Variants in FMR1 observed in about 807,000 individuals in gnomAD.
The protein encoded by FMR1 is FMRP translational regulator 1.
In FMR1, 13 loss-of-function variants were observed where a neutral mutation model predicts 50.6. That is an observed-to-expected ratio of 0.26 (90% CI 0.17 to 0.41). The LOEUF is 0.41. Ranked by LOEUF, FMR1 falls within the 10% of genes least tolerant of loss-of-function variation. The pLI, the probability that FMR1 is intolerant of heterozygous loss-of-function variation, is 1.00. For missense variants in FMR1, 316 were observed against 491.3 expected (o/e 0.64, Z 3.37); for synonymous variants, 138 against 164.1 (o/e 0.84, Z 1.22).
rs29291 is a variant in FMR1 at position 147,944,519 on chromosome X, C to G, written c.1472-350C>G. 5.7e-3 allele frequency: 4,288 copies of G among 752,168 alleles called. 148 individuals carry two copies. In the African/African-American group the frequency reaches 0.091, roughly 16 times the overall value. 62.0% of individuals were successfully genotyped at this position (752,168 alleles called of 1,213,427 possible). On this transcript the variant is annotated intron_variant, in intron 14 of 16. Transcript: ENST00000370475. ...AGGTTTTGTTTATCAGGGTATCACA[C>G]TTAACTGTCGTGGATAATCTTTTCC...
At chrX:147,943,436 C>G in intron 14 of FMR1, 110 bp downstream of exon 14, 1 of 696,861 alleles carries the variant, frequency 1.4e-6, no homozygotes, top group Non-Finnish European at 2.3e-6. Flanking sequence ...TACATGGTTT[C>G]CAATTCACAG....
chrX:147,912,197 G>T lies in FMR1; in HGVS notation c.18G>T (p.Val6=), dbSNP rs111485627. The change falls in exon 1 of 17, where the codon GTG becomes GTT. Residue 6 remains valine (V), a synonymous_variant. Coordinates refer to ENST00000370475, the MANE Select transcript of FMR1 (RefSeq NM_002024.6). The part of the protein sequence containing the change: MEELV[V]EVRGSNGAFY... ...AAGAGAAGATGGAGGAGCTGGTGGTGGAAGTGCGGGGCTCCAATGGCGCTT... is the reference window on the plus strand; with the variant it reads ...AAGAGAAGATGGAGGAGCTGGTGGTTGAAGTGCGGGGCTCCAATGGCGCTT... 0.013 allele frequency: 15,256 copies of T among 1,159,237 alleles called. 82 individuals carry two copies. Among genetic ancestry groups the T allele is most frequent in the Non-Finnish European group, 0.016 (13,872 of 869,388 alleles).
intron 2 of FMR1, among the ~76,000 whole-genome samples, chrX:147,922,509 AAC>A (rs2043214932): frequency 9.0e-6 from 1 of 111,669 alleles, no homozygotes; most frequent in African/African-American, 3.2e-5. Flanking sequence ...AAGAAATAAA[AAC>A]AGTCATAGGC....
chrX:147,949,005 T>C lies in FMR1; in HGVS notation c.*161T>C. On this transcript the variant is annotated 3_prime_UTR_variant, in exon 17 of 17. Coordinates refer to ENST00000370475, the MANE Select transcript of FMR1 (RefSeq NM_002024.6). ...ATTTTTTATTTTTTGGTATTGGCCATAAGCAACAATTTTCAGATTTGCACA... is the reference window on the plus strand; with the variant it reads ...ATTTTTTATTTTTTGGTATTGGCCACAAGCAACAATTTTCAGATTTGCACA... The C allele has an allele frequency of 1.8e-6, 1 of 556,772 alleles. No individual in the cohort carries two copies. Among genetic ancestry groups the C allele is most frequent in the South Asian group, 2.5e-5 (1 of 40,376 alleles). 45.9% of individuals were successfully genotyped at this position (556,772 alleles called of 1,213,427 possible). A position where few individuals can be genotyped will look rare whatever the true frequency, so the allele number is the denominator to read the frequency against.
intron 16 of FMR1, chrX:147,947,474 G>T (rs1184406094): frequency 1.9e-5 from 2 of 107,097 alleles, no homozygotes; most frequent in Non-Finnish European, 3.8e-5. Flanking sequence ...ACTTTGGGAG[G>T]CCAAGGCGGG....
At chrX:147,923,898 A>G (rs1222629434) in intron 2 of FMR1, among the ~76,000 whole-genome samples, 2 of 112,092 alleles carry the variant, frequency 1.8e-5, no homozygotes, top group African/African-American at 6.5e-5. Context: ...AAACGAAAAC[A>G]GTGTTTTGTA....
Position 147,928,355 on chromosome X carries a change from T to C in FMR1, c.232T>C (p.Cys78Arg). Residue 78 changes from cysteine to arginine, a missense_variant, in exon 4 of 17, where the codon TGT (cysteine) becomes CGT (arginine). Cys to Arg is a radical substitution (Grantham distance 180). Transcript: ENST00000370475. ...CAGAGCAAATGAAAAAGAGCCTTGC[T>C]GTTGGTGGTTAGCTAAAGTGAGGAT... ...YSRANEKEPCCWWLAKVRMIK... is the reference protein window; with the variant it reads ...YSRANEKEPCRWWLAKVRMIK... 8.3e-7 allele frequency: 1 copy of C among 1,208,715 alleles called. No homozygotes were observed.
intron 7 of FMR1, among the ~76,000 whole-genome samples, chrX:147,931,998 G>A (rs1293837095): frequency 8.1e-5 from 9 of 111,550 alleles, no homozygotes; most frequent in Non-Finnish European, 1.7e-4. Context: ...TAAAAATGAA[G>A]CGAATAAAAT....
intron 13 of FMR1, among the ~76,000 whole-genome samples, chrX:147,941,528 T>C (rs1450341292): frequency 8.9e-6 from 1 of 112,480 alleles, no homozygotes; most frequent in Non-Finnish European, 1.9e-5. Flanking sequence ...AAATAAAAAG[T>C]ACATGATTTC....
chrX:147,939,914 A>G (rs1378056383), intron 12 of FMR1, among the ~76,000 whole-genome samples: 1 of 106,254 alleles, frequency 9.4e-6, no homozygotes, highest in African/African-American at 3.4e-5. Context: ...AAAAAAAAAA[A>G]AAAAAAAGAG....
At chrX:147,925,440 AAG>A (rs1232677419) in intron 2 of FMR1, 98 bp from the exon 3 acceptor site, 2 of 633,046 alleles carry the variant, frequency 3.2e-6, no homozygotes, top group Non-Finnish European at 5.4e-6. Flanking sequence ...AAACTAGAAA[AAG>A]AGGGGTCAGC....
At position 147,930,147 on chromosome X, in the gene FMR1, C is replaced by T. The variant is rs2043542314; in HGVS notation, c.533C>T (p.Ser178Leu). ...ATTTAGTCCATCAATGAAGTCACCT[C>T]AAAGCGAGCACATATGCTGATTGAC... ...LVILSINEVTSKRAHMLIDMH... is the reference protein window; with the variant it reads ...LVILSINEVTLKRAHMLIDMH... Residue 178 changes from serine to leucine, a missense_variant, in exon 7 of 17, where the codon TCA becomes TTA. By Grantham distance (145) the Ser-to-Leu change is moderately radical (BLOSUM62 -2). Transcript: ENST00000370475. The T allele has an allele frequency of 8.3e-7, 1 of 1,206,103 alleles. No homozygotes were observed. Among genetic ancestry groups the T allele is most frequent in the East Asian group, 3.0e-5 (1 of 33,808 alleles).
intron 16 of FMR1, 140 bp from the exon 17 acceptor site, chrX:147,948,543 T>C: frequency 8.9e-7 from 1 of 1,126,391 alleles, no homozygotes; most frequent in Non-Finnish European, 1.2e-6. Context: ...TACATTAATT[T>C]CTTGCACTTC....
At chrX:147,938,619 G>A (rs782334963) in intron 12 of FMR1, among the ~76,000 whole-genome samples, 95 of 111,631 alleles carry the variant, frequency 8.5e-4, no homozygotes, top group African/African-American at 3.0e-3. Flanking sequence ...TTTGCAATGT[G>A]CTCACCCCTA....
chrX:147,948,871 C>G lies in FMR1; in HGVS notation c.*27C>G. 3 of 1,192,050 alleles carry G rather than the reference C, an allele frequency of 2.5e-6. No homozygotes were observed. The Admixed American group carries it at 6.5e-5, about 26-fold the overall frequency. On this transcript the variant is annotated 3_prime_UTR_variant, in exon 17 of 17. Transcript: ENST00000370475. ...CTGCATAATTCTGAAGTTATATTTCCTATACCATTTCCGTAATTCTTATTC... is the reference window on the plus strand; with the variant it reads ...CTGCATAATTCTGAAGTTATATTTCGTATACCATTTCCGTAATTCTTATTC...
intron 14 of FMR1, 110 bp downstream of exon 14, chrX:147,943,436 C>T: frequency 1.4e-6 from 1 of 696,861 alleles, no homozygotes; most frequent in Non-Finnish European, 2.3e-6. Flanking sequence ...TACATGGTTT[C>T]CAATTCACAG....
In FMR1 at chrX:147,928,819, C is replaced by T. The variant is rs1299918282; in HGVS notation, c.419+12C>T. On this transcript the variant is annotated intron_variant, in intron 5 of 16. Transcript: ENST00000370475. ...GACTTACGGCAAATGTAAGTTGATA[C>T]ACAAGAAATGCTGAGAACTTGGAAG... 1.1e-5 allele frequency: 13 copies of T among 1,201,206 alleles called. No homozygotes were observed. The highest frequency in any genetic ancestry group is 8.9e-5 in the East Asian group (3 of 33,694).
At chrX:147,928,112 G>C (rs1209320843) in intron 3 of FMR1, 4 of 369,795 alleles carry the variant, frequency 1.1e-5, no homozygotes, top group African/African-American at 1.0e-4. Context: ...TTTACAAGGA[G>C]CTTCAAAGCA....
chrX:147,924,840 T>C (rs1324045933), intron 2 of FMR1: 1 of 110,289 alleles, frequency 9.1e-6, no homozygotes, highest in Non-Finnish European at 1.9e-5. Context: ...TTTATGGATA[T>C]AAAAAATAAT....
Sources: allele counts gnomAD v4.1 joint callset (sites outside exome capture counted in the v4.1 genomes callset), GRCh38; gene constraint gnomAD v4.1.1; transcripts MANE v1.5; gene names NCBI Gene and HGNC (gene_info 2026-07-23, HGNC 2026-07-21).